Variants in ITFG1 observed in about 807,000 individuals in gnomAD.
The protein encoded by ITFG1 is integrin alpha FG-GAP repeat containing 1.
A neutral mutation model predicts 81.8 loss-of-function variants in ITFG1; 34 were observed. The ratio of observed to expected loss-of-function variants is 0.42; its 90% CI spans 0.32 to 0.55. The LOEUF (loss-of-function observed/expected upper bound fraction) is 0.55, where lower values mean the gene tolerates loss of function less well. Ranked by LOEUF, ITFG1 falls within the 20% of genes least tolerant of loss-of-function variation. The pLI is 0.17. For missense variants in ITFG1, 672 were observed against 755.4 expected, an observed-to-expected ratio of 0.89 and a Z score of 1.29; for synonymous variants, 285 against 270.6, an observed-to-expected ratio of 1.05 and a Z score of -0.52.
intron 10 of ITFG1, among the ~76,000 whole-genome samples, chr16:47,310,578 A>C (rs1025984276): frequency 2.6e-5 from 4 of 152,220 alleles, no homozygotes; most frequent in African/African-American, 7.2e-5. Context: ...AAGTAATTGC[A>C]GCATTAAAAG....
intron 6 of ITFG1, among the ~76,000 whole-genome samples, chr16:47,387,905 CA>C (rs923803766): frequency 1.4e-5 from 2 of 146,770 alleles, no homozygotes; most frequent in African/African-American, 5.0e-5. Context: ...ATTTCACAGA[CA>C]AAAACTTTAA....
At chr16:47,399,326 C>A (rs1968630134) in intron 6 of ITFG1, among the ~76,000 whole-genome samples, 1 of 152,200 alleles carries the variant, frequency 6.6e-6, no homozygotes, top group Non-Finnish European at 1.5e-5. Context: ...GTAATCCCAG[C>A]ACTTTGGGAG....
chr16:47,432,574 A>G (rs2151610920), intron 5 of ITFG1, among the ~76,000 whole-genome samples: 1 of 152,368 alleles, frequency 6.6e-6, no homozygotes, highest in East Asian at 1.9e-4. Context: ...AGTAAAATCA[A>G]AACCAAGCAG....
intron 5 of ITFG1, among the ~76,000 whole-genome samples, chr16:47,431,673 A>T (rs1343970132): frequency 2.0e-5 from 3 of 152,194 alleles, no homozygotes; most frequent in Non-Finnish European, 4.4e-5. Context: ...TCAATTATAC[A>T]CCTAGGGATT....
intron 6 of ITFG1, among the ~76,000 whole-genome samples, chr16:47,416,842 C>G (rs1968881711): frequency 6.6e-6 from 1 of 152,094 alleles, no homozygotes; most frequent in Non-Finnish European, 1.5e-5. Context: ...CACAAAAGGA[C>G]TAACACAGTG....
chr16:47,324,792 A>C (rs1001640385), intron 8 of ITFG1, among the ~76,000 whole-genome samples: 2 of 152,184 alleles, frequency 1.3e-5, no homozygotes, highest in African/African-American at 4.8e-5. Context: ...AACTATCCTA[A>C]ATATATATGC....
At chr16:47,211,961 G>A (rs928153132) in intron 14 of ITFG1, among the ~76,000 whole-genome samples, 8 of 149,866 alleles carry the variant, frequency 5.3e-5, no homozygotes, top group African/African-American at 2.0e-4. Context: ...GGGTCTTACT[G>A]TGTATCCCAG....
At chr16:47,174,406 T>G (rs1341754148) in intron 14 of ITFG1, among the ~76,000 whole-genome samples, 2 of 152,172 alleles carry the variant, frequency 1.3e-5, no homozygotes. Flanking sequence ...ACCCACTAGC[T>G]GAAGAAAAAA....
chr16:47,279,924 A>G (rs1966435126), intron 10 of ITFG1, among the ~76,000 whole-genome samples: 1 of 152,122 alleles, frequency 6.6e-6, no homozygotes, highest in African/African-American at 2.4e-5. Flanking sequence ...GTTCATTGCT[A>G]ATATATAGAA....
At chr16:47,426,164 T>C (rs1225573624) in intron 6 of ITFG1, 3 of 152,124 alleles carry the variant, frequency 2.0e-5, no homozygotes, top group Non-Finnish European at 4.4e-5. Context: ...CCAGTGGTAA[T>C]GAATTCCCTC....
chr16:47,223,870 GA>G (rs1435521960), intron 13 of ITFG1, among the ~76,000 whole-genome samples: 2 of 152,224 alleles, frequency 1.3e-5, no homozygotes, highest in East Asian at 3.9e-4. Context: ...ATACACCATG[GA>G]ATACTATGCA....
chr16:47,321,668 C>G (rs912743499), intron 8 of ITFG1, among the ~76,000 whole-genome samples: 36 of 152,096 alleles, frequency 2.4e-4, no homozygotes, highest in Middle Eastern at 3.2e-3. Flanking sequence ...GCACTGCACT[C>G]CAGCCTGGAC....
intron 14 of ITFG1, among the ~76,000 whole-genome samples, chr16:47,163,975 TA>T (rs1964851764): frequency 6.7e-6 from 1 of 150,036 alleles, no homozygotes; most frequent in Non-Finnish European, 1.5e-5. Flanking sequence ...ACACACCAAT[TA>T]AGTAAAGCAT....
At chr16:47,168,354 C>T (rs2097554172) in intron 14 of ITFG1, among the ~76,000 whole-genome samples, 1 of 151,980 alleles carries the variant, frequency 6.6e-6, no homozygotes, top group South Asian at 2.1e-4. Flanking sequence ...TATTTTCTCC[C>T]TTTTCAGTTT....
chr16:47,280,143 G>A (rs191148518), intron 10 of ITFG1, among the ~76,000 whole-genome samples: 27 of 152,228 alleles, frequency 1.8e-4, no homozygotes, highest in Non-Finnish European at 3.5e-4. Flanking sequence ...AAGACTTCCA[G>A]TACTAGGTTC....
rs1257117721 is a variant in ITFG1, at chr16:47,259,935, A to G, written c.1221+610T>C. Among the ~76,000 whole-genome samples, 3 of 151,464 alleles carry G rather than the reference A, an allele frequency of 2.0e-5. No individual in the cohort carries two copies. The East Asian group carries it at 5.8e-4, about 29-fold the overall frequency. ...CAAGGGTCTGTTATTTGTTGGCTGTAAATTTTTTTTTTTTTTTTTTTGAGA... is the reference window on the plus strand; with the variant it reads ...CAAGGGTCTGTTATTTGTTGGCTGTGAATTTTTTTTTTTTTTTTTTTGAGA... On this transcript the variant is annotated intron_variant, in intron 11 of 17. Transcript: ENST00000320640.
intron 6 of ITFG1, among the ~76,000 whole-genome samples, chr16:47,404,650 C>T (rs994666541): frequency 1.3e-5 from 2 of 152,156 alleles, no homozygotes; most frequent in Admixed American, 6.5e-5. Flanking sequence ...CACACATGCA[C>T]ATATACATAG....
chr16:47,187,735 T>C (rs1169494588), intron 14 of ITFG1, among the ~76,000 whole-genome samples: 2 of 151,658 alleles, frequency 1.3e-5, no homozygotes, highest in Non-Finnish European at 2.9e-5. Context: ...CCAAAAGCAA[T>C]GGCAACAAAA....
At chr16:47,230,672 A>G (rs1965806806) in intron 13 of ITFG1, among the ~76,000 whole-genome samples, 1 of 152,228 alleles carries the variant, frequency 6.6e-6, no homozygotes, top group Non-Finnish European at 1.5e-5. Context: ...GCTGATTTTC[A>G]GTCAAGAGGA....
Sources: allele counts gnomAD v4.1 joint callset (sites outside exome capture counted in the v4.1 genomes callset), GRCh38; gene constraint gnomAD v4.1.1; transcripts MANE v1.5; gene names NCBI Gene and HGNC (gene_info 2026-07-23, HGNC 2026-07-21).